Variants in ASIC4 observed in about 807,000 individuals in gnomAD.
ASIC4 encodes the protein acid-sensing ion channel 4.
ASIC4 carries 28 observed loss-of-function variants against 53.4 expected under a neutral mutation model. That is an observed-to-expected ratio of 0.52 (90% CI 0.39 to 0.72). The LOEUF (loss-of-function observed/expected upper bound fraction) is 0.72. Among genes scored for constraint, ASIC4 ranks in the 30% least tolerant of loss-of-function variants. The probability of loss-of-function intolerance (pLI) is 0.00; values close to 1 mark genes in which losing one functional copy is unlikely to be tolerated. For missense variants in ASIC4, 649 were observed against 729.7 expected (o/e 0.89, Z 1.27); for synonymous variants, 289 against 301.4 (o/e 0.96, Z 0.43).
At chr2:219,526,457 T>C (rs1393912636) in intron 1 of ASIC4, among the ~76,000 whole-genome samples, 1 of 151,638 alleles carries the variant, frequency 6.6e-6, no homozygotes, top group African/African-American at 2.4e-5. Context: ...GAGAGTGCAG[T>C]GGGCAAGGGA....
upstream of ASIC4, among the ~76,000 whole-genome samples, chr2:219,510,222 C>G (rs1332721122): frequency 6.6e-6 from 1 of 151,974 alleles, no homozygotes; most frequent in African/African-American, 2.4e-5. This position sits in a 1 kb window ranked among gnomAD's most constrained non-coding sequence, Gnocchi z 5.2. Context: ...CACACCGCTC[C>G]CCACATGCCC....
Position 219,514,603 on chromosome 2 carries a change from C to A in ASIC4, c.-122C>A. 6.2e-7 allele frequency: 1 copy of A among 1,600,680 alleles called. No homozygotes were observed. Among genetic ancestry groups the A allele is most frequent in the South Asian group, 1.1e-5 (1 of 89,336 alleles). On this transcript the variant is annotated 5_prime_UTR_variant, in exon 1 of 10. Coordinates refer to ENST00000358078, the MANE Select transcript of ASIC4 (RefSeq NM_018674.6). ...CCCCACCCTGTCCCTGTCCTCTTCC[C>A]GCTTGCCCTGAGTTTAGAAGAGCAG... is the stretch of plus-strand genomic sequence containing the variant.
At chr2:219,512,788 G>A (rs549853783), upstream of ASIC4, among the ~76,000 whole-genome samples, 4 of 152,386 alleles carry the variant, frequency 2.6e-5, no homozygotes, top group South Asian at 8.3e-4. Flanking sequence ...AGACTCATTG[G>A]AGGCTTGTGG....
At chr2:219,511,771 G>A (rs1694705004), upstream of ASIC4, among the ~76,000 whole-genome samples, 1 of 151,918 alleles carries the variant, frequency 6.6e-6, no homozygotes, top group Non-Finnish European at 1.5e-5. This position sits in a 1 kb window ranked among gnomAD's most constrained non-coding sequence, Gnocchi z 5.3. Context: ...GGTGGGGGTG[G>A]GGAAGAAGCT....
intron 1 of ASIC4, among the ~76,000 whole-genome samples, chr2:219,519,718 A>G (rs113247557): frequency 2.0e-5 from 3 of 152,326 alleles, no homozygotes; most frequent in Admixed American, 6.5e-5. Flanking sequence ...GCCGTGTTGG[A>G]CAGCGCAGCT....
intron 1 of ASIC4, among the ~76,000 whole-genome samples, chr2:219,528,866 C>T (rs1456977355): frequency 1.3e-5 from 2 of 152,164 alleles, no homozygotes; most frequent in African/African-American, 2.4e-5. Context: ...GCACCAGGCC[C>T]ATTTCAGAGT....
At position 219,536,947 on chromosome 2, in the gene ASIC4, G is replaced by T; in HGVS notation, c.1230-119G>T. The T allele has an allele frequency of 4.9e-6, 4 of 823,774 alleles. No homozygotes were observed. Among genetic ancestry groups the T allele is most frequent in the Non-Finnish European group, 7.8e-6 (4 of 510,238 alleles). 51.0% of individuals were successfully genotyped at this position (823,774 alleles called of 1,614,324 possible). ...CTCACAGCCTTGGGGAGTCCGGGGG[G>T]TAGTCACTGACTTCCCCATGTAGTG... On this transcript the variant is annotated intron_variant, in intron 6 of 9. Coordinates refer to ENST00000358078, the MANE Select transcript of ASIC4 (RefSeq NM_018674.6). The surrounding 1 kb of genome is among the most constrained non-coding windows in gnomAD (Gnocchi z 4.6).
At position 219,537,055 on chromosome 2, in the gene ASIC4, T is replaced by C; in HGVS notation, c.1230-11T>C. The C allele has an allele frequency of 6.2e-7, 1 of 1,613,206 alleles. No individual in the cohort carries two copies. The highest frequency in any genetic ancestry group is 8.5e-7 in the Non-Finnish European group (1 of 1,179,310). ...AGGCCCACACGGATACCCTGCTTCC[T>C]GTCTCCACAGGGAGAACTTCCTGGT... On this transcript the variant is annotated splice_polypyrimidine_tract_variant and intron_variant, in intron 6 of 9. Coordinates refer to ENST00000358078, the MANE Select transcript of ASIC4 (RefSeq NM_018674.6). The surrounding 1 kb of genome is among the most constrained non-coding windows in gnomAD (Gnocchi z 4.9).
upstream of ASIC4, among the ~76,000 whole-genome samples, chr2:219,510,997 C>T (rs903838755): frequency 2.0e-5 from 3 of 152,146 alleles, no homozygotes; most frequent in African/African-American, 7.2e-5. This position sits in a 1 kb window ranked among gnomAD's most constrained non-coding sequence, Gnocchi z 5.2. Flanking sequence ...TGGACCAGCC[C>T]AGCCCCAGCC....
chr2:219,532,758 G>C (rs1695064163), intron 4 of ASIC4, 125 bp from the exon 5 acceptor site: 3 of 983,984 alleles, frequency 3.0e-6, no homozygotes, highest in Non-Finnish European at 4.6e-6. Flanking sequence ...TGTGTGTGTG[G>C]TGTTCAAGCA....
chr2:219,509,179 C>T (rs906980631), upstream of ASIC4, among the ~76,000 whole-genome samples: 1 of 152,156 alleles, frequency 6.6e-6, no homozygotes, highest in Non-Finnish European at 1.5e-5. This position sits in a 1 kb window ranked among gnomAD's most constrained non-coding sequence, Gnocchi z 5.2. Flanking sequence ...ATCCCCTCCC[C>T]CTGGCACTTA....
rs142124538 is a variant in ASIC4, at chr2:219,537,066, G to A, written c.1230G>A (p.Arg410=). The change falls in exon 7 of 10, where the codon CGG becomes CGA. Residue 410 remains arginine, a splice_region_variant and synonymous_variant. Transcript: ENST00000358078. This position sits in a 1 kb window ranked among gnomAD's most constrained non-coding sequence, Gnocchi z 4.9. ...GATACCCTGCTTCCTGTCTCCACAG[G>A]GAGAACTTCCTGGTCCTAGATGTCT... The part of the protein sequence containing the change: ...RKYNRNETYI[R]ENFLVLDVFF... 8.8e-4 allele frequency: 1,420 copies of A among 1,613,908 alleles called. No homozygotes were observed. Among genetic ancestry groups the A allele is most frequent in the Non-Finnish European group, 1.1e-3 (1,269 of 1,179,890 alleles).
At chr2:219,534,474 C>T (rs964879371) in intron 5 of ASIC4, among the ~76,000 whole-genome samples, 4 of 152,242 alleles carry the variant, frequency 2.6e-5, no homozygotes, top group African/African-American at 9.6e-5. Flanking sequence ...GCCTCTGCCA[C>T]CTACGGCCTG....
Position 219,531,962 on chromosome 2 carries a change from T to C in ASIC4, c.728-39T>C, listed in dbSNP as rs774064154. Reference sequence around the variant, plus strand: ...GGGACTGGGGCCTGGGCCCTCTGCCTGGGATGGGTTTCCAAAGGTCCCCAT... The same window carrying C: ...GGGACTGGGGCCTGGGCCCTCTGCCCGGGATGGGTTTCCAAAGGTCCCCAT... On this transcript the variant is annotated intron_variant, in intron 2 of 9. Transcript: ENST00000358078. 7 of 1,613,270 alleles carry C rather than the reference T, an allele frequency of 4.3e-6. No individual in the cohort carries two copies. The African/African-American group carries it at 9.3e-5, about 22-fold the overall frequency.
chr2:219,533,259 T>C (rs1695073428), intron 5 of ASIC4: 3 of 476,080 alleles, frequency 6.3e-6, no homozygotes, highest in East Asian at 3.7e-5. Flanking sequence ...TCTCTTGGTC[T>C]CAGGAAAAAT....
chr2:219,515,440 G>T (rs1289522902), intron 1 of ASIC4, 134 bp downstream of exon 1: 1 of 1,245,898 alleles, frequency 8.0e-7, no homozygotes, highest in Non-Finnish European at 1.1e-6. Context: ...CTGGCCTCGT[G>T]TTTCCCCAAG....
intron 1 of ASIC4, among the ~76,000 whole-genome samples, chr2:219,529,478 A>T (rs1307774063): frequency 2.6e-5 from 4 of 152,178 alleles, no homozygotes; most frequent in Admixed American, 2.6e-4. Flanking sequence ...GGGAACGAGG[A>T]ATGGGAGAAG....
At position 219,514,915 on chromosome 2, in the gene ASIC4, G is replaced by T. The variant is rs756303166; in HGVS notation, c.191G>T (p.Gly64Val). Residue 64 changes from glycine to valine, a missense_variant, in exon 1 of 10, where the codon GGA (glycine) becomes GTA (valine). Transcript: ENST00000358078. ...LGRACGPGPH[G>V]LRRTLWALAL... Reference sequence around the variant, plus strand: ...CGGGCCTGTGGCCCAGGCCCCCACGGACTGCGCAGAACCCTGTGGGCACTG... The same window carrying T: ...CGGGCCTGTGGCCCAGGCCCCCACGTACTGCGCAGAACCCTGTGGGCACTG... 6.2e-7 allele frequency: 1 copy of T among 1,612,908 alleles called. No homozygotes were observed. The highest frequency in any genetic ancestry group is 1.7e-5 in the Admixed American group (1 of 59,996).
In ASIC4 at chr2:219,535,294, G is replaced by A. The variant is rs1411139058; in HGVS notation, c.1199G>A (p.Arg400Lys). ...AGGGGCTCAGCCCGGTACCTGGCGA[G>A]GAAGTACAACCGCAACGAGACCTAC... ...PNRGSARYLA[R>K]KYNRNETYIR... The change falls in exon 6 of 10, where the codon AGG becomes AAG. Residue 400 changes from arginine to lysine, a missense_variant. Coordinates refer to ENST00000358078, the MANE Select transcript of ASIC4 (RefSeq NM_018674.6). The A allele has an allele frequency of 6.2e-7, 1 of 1,613,076 alleles. No homozygotes were observed.
Sources: allele counts gnomAD v4.1 joint callset (sites outside exome capture counted in the v4.1 genomes callset), GRCh38; gene constraint gnomAD v4.1.1; non-coding constraint Gnocchi (gnomAD v3.1); transcripts MANE v1.5; gene names NCBI Gene and HGNC (gene_info 2026-07-23, HGNC 2026-07-21).